USP53: variants seen among roughly 807,000 people sequenced by gnomAD.
The protein encoded by USP53 is ubiquitin carboxyl-terminal hydrolase 53.
In USP53, 71 loss-of-function variants were observed where a neutral mutation model predicts 94.9. That is an observed-to-expected ratio of 0.75 (90% CI 0.62 to 0.91). The LOEUF is 0.91. USP53 is among the 40% of genes least tolerant of loss of function. USP53 has a pLI of 0.00. For missense variants in USP53, 1,173 were observed against 1,281.0 expected, an observed-to-expected ratio of 0.92 and a Z score of 1.29; for synonymous variants, 375 against 422.7, an observed-to-expected ratio of 0.89 and a Z score of 1.39.
At position 119,293,434 on chromosome 4, in the gene USP53, T is replaced by C. The variant is rs1209299305; in HGVS notation, c.*223T>C. The C allele has an allele frequency of 2.0e-6, 1 of 507,460 alleles. No individual in the cohort carries two copies. Among genetic ancestry groups the C allele is most frequent in the African/African-American group, 1.9e-5 (1 of 51,980 alleles). The allele number at this position is 507,460 out of a possible 1,614,324, so 31.4% of individuals were successfully genotyped here. ...TTAAAGTTGTTAATCACTATACATA[T>C]GTATGTGTATATGTGTATACACATA... On this transcript the variant is annotated 3_prime_UTR_variant, in exon 19 of 19. Transcript: ENST00000692078.
intron 17 of USP53, among the ~76,000 whole-genome samples, chr4:119,274,309 C>T (rs1263873489): frequency 7.0e-6 from 1 of 143,770 alleles, no homozygotes; most frequent in African/African-American, 2.6e-5. Flanking sequence ...CATGTGATCT[C>T]ATTGTTCAAT....
At chr4:119,213,904 C>A (rs1743322620) in intron 1 of USP53, among the ~76,000 whole-genome samples, 166 bp from the exon 2 acceptor site, 1 of 74,322 alleles carries the variant, frequency 1.3e-5, no homozygotes, top group Admixed American at 1.4e-4. Context: ...AAACGCAGTA[C>A]ACTTAGGAAG....
At chr4:119,267,934 G>A (rs1489675865) in intron 13 of USP53, among the ~76,000 whole-genome samples, 2 of 152,144 alleles carry the variant, frequency 1.3e-5, no homozygotes, top group Non-Finnish European at 2.9e-5. Context: ...TTGGGAGGCC[G>A]AGGCGGGTGG....
Position 119,247,542 on chromosome 4 carries a change from A to G in USP53, c.238-1206A>G, listed in dbSNP as rs78306949. Among the ~76,000 whole-genome samples the G allele has an allele frequency of 1.3e-4, 20 of 151,812 alleles. No homozygotes were observed. In the East Asian group the frequency reaches 3.7e-3, roughly 28 times the overall value. ...TGCTTTATTTTTCTCTCTTGTATCT[A>G]TTTTTCTCTACTGTACTTATCACAT... On this transcript the variant is annotated intron_variant, in intron 6 of 18. Coordinates refer to ENST00000692078, the MANE Select transcript of USP53 (RefSeq NM_001371395.1).
rs529350946 is a variant in USP53 at position 119,273,705 on chromosome 4, GA to G, written c.2250del (p.Gly751AlafsTer26). On this transcript the variant is annotated frameshift_variant and splice_region_variant, in exon 17 of 19. Transcript: ENST00000692078. LOFTEE classifies it high-confidence loss of function. ...CTCCCTTCAGAGCCAACATCACTTA[GA>G]AGGTAAAAAACTTATTTGAATATAA... ...CTSLQSQHHL[E>X]GFRKELRNLE... 73 of 1,610,006 alleles carry G rather than the reference GA, an allele frequency of 4.5e-5. No homozygotes were observed. The South Asian group carries it at 7.4e-4, about 16-fold the overall frequency.
chr4:119,233,571 T>C (rs1162596708), intron 3 of USP53, among the ~76,000 whole-genome samples: 1 of 152,206 alleles, frequency 6.6e-6, no homozygotes, highest in African/African-American at 2.4e-5. Flanking sequence ...GTAGAATTGC[T>C]TGACCTGAAC....
intron 6 of USP53, 82 bp from the exon 7 acceptor site, chr4:119,248,666 G>A: frequency 3.3e-6 from 5 of 1,501,882 alleles, no homozygotes; most frequent in Non-Finnish European, 3.6e-6. Context: ...ATAGTGTTTT[G>A]AGTTTCTCTG....
intron 6 of USP53, among the ~76,000 whole-genome samples, chr4:119,247,094 A>T (rs1748354211): frequency 6.6e-6 from 1 of 152,176 alleles, no homozygotes; most frequent in Non-Finnish European, 1.5e-5. Flanking sequence ...GAATGAACCT[A>T]GATCACATTA....
chr4:119,257,114 T>C (rs1422041977), intron 9 of USP53, among the ~76,000 whole-genome samples: 2 of 152,216 alleles, frequency 1.3e-5, no homozygotes, highest in Non-Finnish European at 2.9e-5. Context: ...TAATGTTCTT[T>C]GAATATTTTC....
rs529695236 is a variant in USP53, at chr4:119,294,067, AC to A, written c.*857del. On this transcript the variant is annotated 3_prime_UTR_variant, in exon 19 of 19. Transcript: ENST00000692078. ...CTTTAGTGTATTTATTTATCTCGTT[AC>A]TTTTTTTCTAATTTTATATGAAATG... is the stretch of plus-strand genomic sequence containing the variant. The A allele has an allele frequency of 6.6e-5, 10 of 151,998 alleles. No individual in the cohort carries two copies. Among genetic ancestry groups the A allele is most frequent in the Non-Finnish European group, 1.2e-4 (8 of 67,944 alleles). The allele number at this position is 151,998 out of a possible 1,614,324, so 9.4% of individuals were successfully genotyped here. A position where few individuals can be genotyped will look rare whatever the true frequency, so the allele number is the denominator to read the frequency against.
chr4:119,291,221 C>G lies in USP53; in HGVS notation c.2308C>G (p.Pro770Ala). The G allele has an allele frequency of 6.3e-7, 1 of 1,597,126 alleles. No individual in the cohort carries two copies. Among genetic ancestry groups the G allele is most frequent in the Non-Finnish European group, 8.5e-7 (1 of 1,171,880 alleles). The change falls in exon 18 of 19, where the codon CCA becomes GCA. Residue 770 changes from proline to alanine, a missense_variant. Pro to Ala is a conservative substitution (Grantham distance 27). Transcript: ENST00000692078. ...AGGCTATAAATCTCATGAATTCCACCCAGAATCACATTTACAAATAAAAAA... is the reference window on the plus strand; with the variant it reads ...AGGCTATAAATCTCATGAATTCCACGCAGAATCACATTTACAAATAAAAAA... ...EAGYKSHEFH[P>A]ESHLQIKNHL...
intron 3 of USP53, among the ~76,000 whole-genome samples, chr4:119,223,227 T>TTGTAGTAAACCTAGAAAATAGAATAC (rs1392580081): frequency 1.3e-5 from 2 of 152,184 alleles, no homozygotes; most frequent in African/African-American, 4.8e-5. Flanking sequence ...CTGGAGATTT[T>TTGTAGTAAACCTAGAAAATAGAATAC]TGTAGTAAAC....
chr4:119,289,163 C>G (rs1754457216), intron 17 of USP53, among the ~76,000 whole-genome samples: 3 of 152,134 alleles, frequency 2.0e-5, no homozygotes, highest in Admixed American at 2.0e-4. Context: ...GTGCTTTATG[C>G]ATATTTCCCA....
At chr4:119,216,660 GATAT>G in intron 2 of USP53, among the ~76,000 whole-genome samples, 1 of 152,226 alleles carries the variant, frequency 6.6e-6, no homozygotes, top group Non-Finnish European at 1.5e-5. Context: ...TCATATGCTA[GATAT>G]TCTTAAACTA....
chr4:119,272,762 A>G (rs921733358), intron 16 of USP53: 2 of 152,212 alleles, frequency 1.3e-5, no homozygotes, highest in Admixed American at 6.5e-5. Context: ...TTTGTAACTC[A>G]GAACTGAAGC....
chr4:119,231,750 T>C (rs1373115653), intron 3 of USP53, among the ~76,000 whole-genome samples: 2 of 152,272 alleles, frequency 1.3e-5, no homozygotes, highest in African/African-American at 2.4e-5. Flanking sequence ...AAACTTCCAA[T>C]TGTCCTCTGC....
intron 4 of USP53, among the ~76,000 whole-genome samples, chr4:119,236,812 C>A (rs1746829983): frequency 6.6e-6 from 1 of 152,190 alleles, no homozygotes; most frequent in Admixed American, 6.5e-5. Flanking sequence ...GTGTTGGAAT[C>A]ATTAACCAAA....
chr4:119,274,263 G>T (rs998195757), intron 17 of USP53, among the ~76,000 whole-genome samples: 2 of 74,972 alleles, frequency 2.7e-5, no homozygotes, highest in South Asian at 8.9e-4. Flanking sequence ...CCACCCCACC[G>T]CAGTCCCCAG....
rs3749590 is a variant in USP53 at position 119,292,672 on chromosome 4, C to T, written c.2683C>T (p.Leu895=). 3.0e-4 allele frequency: 486 copies of T among 1,614,108 alleles called. 7 individuals carry two copies. In the East Asian group the frequency reaches 0.011, roughly 36 times the overall value. ...GGATCAATGTTACTTTGAGAACTCT[C>T]TATCCACAGAATGTATAATTCGGTC... is the stretch of plus-strand genomic sequence containing the variant. ...IMDQCYFENS[L]STECIIRSAS... The change falls in exon 19 of 19, where the codon CTA becomes TTA. Residue 895 remains leucine (L), a synonymous_variant. Transcript: ENST00000692078.
Sources: gnomAD v4.1 joint callset for allele counts (sites outside exome capture counted in the v4.1 genomes callset) on GRCh38, gnomAD v4.1.1 for gene constraint, MANE v1.5 for transcripts, NCBI Gene and HGNC (gene_info 2026-07-23, HGNC 2026-07-21) for gene names.